The following ERG variants were observed in gnomAD, a reference collection of about 807,000 sequenced individuals.
The protein encoded by ERG is ETS transcription factor ERG.
ERG carries 9 observed loss-of-function variants against 55.3 expected under a neutral mutation model. That is an observed-to-expected ratio of 0.16 (90% CI 0.10 to 0.28). The LOEUF (loss-of-function observed/expected upper bound fraction) is 0.28. Among genes scored for constraint, ERG ranks in the 10% least tolerant of loss-of-function variants. ERG has a pLI of 1.00. For missense variants in ERG, 434 were observed against 631.6 expected (o/e 0.69, Z 3.35); for synonymous variants, 223 against 237.3 (o/e 0.94, Z 0.55).
chr21:38,650,221 T>C (rs911070994), intron 1 of ERG, among the ~76,000 whole-genome samples: 1 of 152,206 alleles, frequency 6.6e-6, no homozygotes, highest in African/African-American at 2.4e-5. Context: ...GACGAGAAAT[T>C]TGCCTAGAGA....
chr21:38,548,468 G>C (rs902811086), intron 2 of ERG, among the ~76,000 whole-genome samples: 5 of 142,430 alleles, frequency 3.5e-5, no homozygotes, highest in African/African-American at 1.3e-4. Context: ...TTTTTTTTGA[G>C]ACGGAAGCTC....
At chr21:38,520,518 T>C (rs1601179596) in intron 2 of ERG, among the ~76,000 whole-genome samples, 1 of 152,214 alleles carries the variant, frequency 6.6e-6, no homozygotes, top group Non-Finnish European at 1.5e-5. Flanking sequence ...ATCCCAAACA[T>C]GGCGGGAAGC....
intron 1 of ERG, among the ~76,000 whole-genome samples, chr21:38,627,977 T>G (rs2060335454): frequency 6.7e-6 from 1 of 149,800 alleles, no homozygotes. Flanking sequence ...GGTTTTGCTC[T>G]GTCATCCAGG....
intron 1 of ERG, among the ~76,000 whole-genome samples, chr21:38,642,159 G>A (rs1169629275): frequency 6.6e-6 from 1 of 152,194 alleles, no homozygotes; most frequent in Non-Finnish European, 1.5e-5. Context: ...CTTCTAATGT[G>A]CTGGTAAGTG....
intron 1 of ERG, among the ~76,000 whole-genome samples, chr21:38,446,778 C>T (rs2836408): frequency 0.049 from 7,426 of 152,078 alleles, 227 homozygotes; most frequent in Middle Eastern, 0.1. Context: ...CTTGTCATCT[C>T]CAAATGAGAA....
chr21:38,443,699 G>C (rs903587315), intron 2 of ERG, among the ~76,000 whole-genome samples: 1 of 151,724 alleles, frequency 6.6e-6, no homozygotes, highest in Non-Finnish European at 1.5e-5. Flanking sequence ...CACAACTTTG[G>C]TGTCCTGGAC....
intron 1 of ERG, among the ~76,000 whole-genome samples, chr21:38,652,753 C>G (rs1008653612): frequency 6.6e-6 from 1 of 152,200 alleles, no homozygotes; most frequent in Non-Finnish European, 1.5e-5. Flanking sequence ...GTGTATTGCA[C>G]GAGGCTGTCT....
chr21:38,531,359 A>G (rs1304269295), intron 2 of ERG, among the ~76,000 whole-genome samples: 1 of 152,188 alleles, frequency 6.6e-6, no homozygotes, highest in Non-Finnish European at 1.5e-5. Flanking sequence ...TGGTTTTGTG[A>G]GGACTTTTCT....
chr21:38,613,292 A>G (rs1383014720), intron 1 of ERG, among the ~76,000 whole-genome samples: 3 of 152,356 alleles, frequency 2.0e-5, no homozygotes, highest in South Asian at 2.1e-4. Context: ...AACGAAAGTT[A>G]GCACACGCGG....
rs1017025668 is a variant in ERG, at chr21:38,381,635, C to T, written c.*1768G>A. The T allele has an allele frequency of 1.5e-5, 16 of 1,062,992 alleles. No homozygotes were observed. The highest frequency in any genetic ancestry group is 5.4e-5 in the Admixed American group (1 of 18,650). The allele number at this position is 1,062,992 out of a possible 1,614,324, so 65.8% of individuals were successfully genotyped here. ...GCCAGTAATAATACAGTTTGCCTTA[C>T]GAGTGGTAGCTTGTTCACTGTTCAA... On this transcript the variant is annotated 3_prime_UTR_variant, in exon 10 of 10. Coordinates refer to ENST00000288319, the MANE Select transcript of ERG (RefSeq NM_182918.4).
At chr21:38,409,529 A>AGGAAGT (rs1988943960) in intron 3 of ERG, among the ~76,000 whole-genome samples, 1 of 146,002 alleles carries the variant, frequency 6.8e-6, no homozygotes. Flanking sequence ...TGATCCAAGG[A>AGGAAGT]GGAAGTGGAA....
At chr21:38,547,366 T>C (rs1321394139) in intron 2 of ERG, among the ~76,000 whole-genome samples, 1 of 152,230 alleles carries the variant, frequency 6.6e-6, no homozygotes. Context: ...CCTCAACCAA[T>C]GCGTGTTTGA....
At chr21:38,436,251 A>AT (rs1382078524) in intron 2 of ERG, among the ~76,000 whole-genome samples, 1 of 151,828 alleles carries the variant, frequency 6.6e-6, no homozygotes, top group Non-Finnish European at 1.5e-5. Flanking sequence ...CCCACCTATT[A>AT]TTTTTAAAAT....
chr21:38,391,168 A>C (rs184983224), intron 8 of ERG, 126 bp from the exon 9 acceptor site: 129 of 762,474 alleles, frequency 1.7e-4, no homozygotes, highest in African/African-American at 1.6e-3. Context: ...CTCCAACTCC[A>C]AATCAACTGC....
At chr21:38,375,676 C>G (rs1014994), downstream of ERG, among the ~76,000 whole-genome samples, 26,225 of 152,146 alleles carry the variant, frequency 0.17, 2,409 homozygotes, top group South Asian at 0.25. Flanking sequence ...AAACAGACCT[C>G]AAAACATAGT....
At chr21:38,493,791 C>A (rs1021471968) in intron 1 of ERG, among the ~76,000 whole-genome samples, 1 of 152,188 alleles carries the variant, frequency 6.6e-6, no homozygotes, top group African/African-American at 2.4e-5. Context: ...AGCACCCCTG[C>A]AAGCTCCCTC....
At position 38,381,320 on chromosome 21, in the gene ERG, G is replaced by A. The variant is rs1025889099; in HGVS notation, c.*2083C>T. On this transcript the variant is annotated 3_prime_UTR_variant, in exon 10 of 10. Coordinates refer to ENST00000288319, the MANE Select transcript of ERG (RefSeq NM_182918.4). ...CGGTCACCTTGTATTTTCACCTTTT[G>A]AGTTGCCTTCACCTGGACCAAGGTT... 4 of 1,064,742 alleles carry A rather than the reference G, an allele frequency of 3.8e-6. No homozygotes were observed. Among genetic ancestry groups the A allele is most frequent in the Non-Finnish European group, 4.6e-6 (4 of 878,974 alleles). 66.0% of individuals were successfully genotyped at this position (1,064,742 alleles called of 1,614,324 possible).
intron 1 of ERG, among the ~76,000 whole-genome samples, chr21:38,645,060 G>A (rs1201657882): frequency 1.3e-5 from 2 of 152,188 alleles, no homozygotes; most frequent in Admixed American, 1.3e-4. Flanking sequence ...TTGGGAGGCT[G>A]ATGTGGGAGG....
chr21:38,411,559 C>T (rs1355337031), intron 3 of ERG, among the ~76,000 whole-genome samples: 1 of 152,196 alleles, frequency 6.6e-6, no homozygotes, highest in Non-Finnish European at 1.5e-5. Context: ...CCACCCACCT[C>T]GGCCTCCCAA....
Sources: gnomAD v4.1 joint callset for allele counts (sites outside exome capture counted in the v4.1 genomes callset) on GRCh38, gnomAD v4.1.1 for gene constraint, MANE v1.5 for transcripts, NCBI Gene and HGNC (gene_info 2026-07-23, HGNC 2026-07-21) for gene names.